Variants in KRT72 observed in about 807,000 individuals in gnomAD.
The protein encoded by KRT72 is keratin 72.
KRT72 carries 44 observed loss-of-function variants against 44.7 expected under a neutral mutation model. That is an observed-to-expected ratio of 0.98 (90% confidence interval 0.77 to 1.27). The LOEUF (loss-of-function observed/expected upper bound fraction) is 1.27, where lower values mean the gene tolerates loss of function less well. KRT72 is among the 50% of genes most tolerant of loss of function. The pLI is 0.00. For missense variants in KRT72, 736 were observed against 667.1 expected, an observed-to-expected ratio of 1.10 and a Z score of -1.14; for synonymous variants, 302 against 280.4, an observed-to-expected ratio of 1.08 and a Z score of -0.77.
chr12:52,589,352 C>T (rs1463474846), intron 6 of KRT72, among the ~76,000 whole-genome samples: 2 of 152,172 alleles, frequency 1.3e-5, no homozygotes, highest in Non-Finnish European at 2.9e-5. Flanking sequence ...AAGGAGATGC[C>T]TAGGACCCAG....
chr12:52,599,403 G>T (rs1440499843), intron 1 of KRT72: 1 of 508,234 alleles, frequency 2.0e-6, no homozygotes, highest in Non-Finnish European at 3.8e-6. Flanking sequence ...ATAAATGCTG[G>T]TGTTTTCTGA....
At chr12:52,599,443 C>T in intron 1 of KRT72, 1 of 474,828 alleles carries the variant, frequency 2.1e-6, no homozygotes, top group Admixed American at 2.3e-5. Flanking sequence ...AGGGGAGAAA[C>T]AGGGACTGGG....
intron 6 of KRT72, among the ~76,000 whole-genome samples, chr12:52,590,053 G>C (rs1442228301): frequency 6.6e-6 from 1 of 152,140 alleles, no homozygotes; most frequent in Non-Finnish European, 1.5e-5. Context: ...GTGAGAGATG[G>C]GGTGCAGGGG....
chr12:52,601,248 C>T lies in KRT72; in HGVS notation c.205G>A (p.Gly69Ser), dbSNP rs1460753761. The change falls in exon 1 of 9, where the codon GGC becomes AGC. Residue 69 changes from glycine (G) to serine (S), a missense_variant. Gly to Ser is a moderately conservative substitution (Grantham distance 56, BLOSUM62 0). Coordinates refer to ENST00000293745, the MANE Select transcript of KRT72 (RefSeq NM_080747.3). ...GTGCCCACGAAGCCGCCCAGGCGGCCGCCGCCCCGCCGTGCAGCAGCGCTG... is the reference window on the plus strand; with the variant it reads ...GTGCCCACGAAGCCGCCCAGGCGGCTGCCGCCCCGCCGTGCAGCAGCGCTG... Reference protein sequence around the residue: ...ALSAAARRGGGRLGGFVGTAF... With the variant: ...ALSAAARRGGSRLGGFVGTAF... 1.3e-6 allele frequency: 2 copies of T among 1,565,198 alleles called. No individual in the cohort carries two copies. Among genetic ancestry groups the T allele is most frequent in the African/African-American group, 1.4e-5 (1 of 73,734 alleles).
Position 52,585,864 on chromosome 12 carries a change from G to C in KRT72, c.*118C>G. 1.1e-6 allele frequency: 1 copy of C among 918,754 alleles called. No individual in the cohort carries two copies. Among genetic ancestry groups the C allele is most frequent in the Non-Finnish European group, 1.7e-6 (1 of 586,600 alleles). The allele number at this position is 918,754 out of a possible 1,614,324, so 56.9% of individuals were successfully genotyped here. On this transcript the variant is annotated 3_prime_UTR_variant, in exon 9 of 9. Transcript: ENST00000293745. ...GAGGACAACAGGGAGAGGAAATGGG[G>C]TTGGGACTGTAGTGACAGACAAAGC...
chr12:52,597,022 C>T (rs147230073), intron 2 of KRT72, among the ~76,000 whole-genome samples: 1 of 152,244 alleles, frequency 6.6e-6, no homozygotes, highest in East Asian at 1.9e-4. Context: ...CATTCATTGG[C>T]TTTTTAGATG....
At chr12:52,591,656 G>C (rs1217788625) in intron 4 of KRT72, 28 bp from the exon 5 acceptor site, 3 of 1,586,802 alleles carry the variant, frequency 1.9e-6, no homozygotes, top group Non-Finnish European at 2.6e-6. Flanking sequence ...AGGGGAGCTA[G>C]TTAAGGGGTA....
In KRT72 at chr12:52,586,872, TG is replaced by T. The variant is rs1939774380; in HGVS notation, c.1345+73del. On this transcript the variant is annotated intron_variant, in intron 8 of 8. Coordinates refer to ENST00000293745, the MANE Select transcript of KRT72 (RefSeq NM_080747.3). ...CCCTCTGTCATTCTGATTTCTCTTT[TG>T]TGTCATGAATTAAAGGGACTCGGAC... is the stretch of plus-strand genomic sequence containing the variant. 6 of 1,387,628 alleles carry T rather than the reference TG, an allele frequency of 4.3e-6. No individual in the cohort carries two copies. In the South Asian group the frequency reaches 6.9e-5, roughly 16 times the overall value. 86.0% of individuals were successfully genotyped at this position (1,387,628 alleles called of 1,614,324 possible). A position where few individuals can be genotyped will look rare whatever the true frequency, so the allele number is the denominator to read the frequency against.
At chr12:52,587,250 C>T (rs549591721) in intron 7 of KRT72, among the ~76,000 whole-genome samples, 2 of 152,112 alleles carry the variant, frequency 1.3e-5, no homozygotes, top group African/African-American at 2.4e-5. Context: ...TCTAGTCATG[C>T]CACTGTTCTT....
In KRT72 at chr12:52,585,906, A is replaced by G; in HGVS notation, c.*76T>C. The stretch of plus-strand genomic sequence containing the variant: ...AGACAAAGCATTTCTTGACTTGGAA[A>G]GGGAGCCCAGGGAAGGAGAGGGAGG... On this transcript the variant is annotated 3_prime_UTR_variant, in exon 9 of 9. Transcript: ENST00000293745. The G allele has an allele frequency of 7.6e-7, 1 of 1,323,948 alleles. No individual in the cohort carries two copies. The highest frequency in any genetic ancestry group is 1.1e-6 in the Non-Finnish European group (1 of 944,276). The allele number at this position is 1,323,948 out of a possible 1,614,324, so 82.0% of individuals were successfully genotyped here.
upstream of KRT72, among the ~76,000 whole-genome samples, chr12:52,602,233 T>C (rs1940499853): frequency 6.6e-6 from 1 of 152,172 alleles, no homozygotes. Context: ...TAGCAGATGG[T>C]GTTTCCTAAG....
At chr12:52,598,770 C>T (rs1031053934) in intron 2 of KRT72, 128 bp downstream of exon 2, 3 of 754,094 alleles carry the variant, frequency 4.0e-6, no homozygotes, top group Middle Eastern at 2.4e-4. Flanking sequence ...TTCCTAGTTC[C>T]ATTCTGTCTG....
In KRT72 at chr12:52,601,107, G is replaced by A; in HGVS notation, c.346C>T (p.Pro116Ser). The change falls in exon 1 of 9, where the codon CCC becomes TCC. Residue 116 changes from proline to serine, a missense_variant. Physicochemically the swap from Pro to Ser is moderately conservative, Grantham distance 74. Coordinates refer to ENST00000293745, the MANE Select transcript of KRT72 (RefSeq NM_080747.3). Reference protein sequence around the residue: ...LLAPLNVEMDPEIQRVRAQER... With the variant: ...LLAPLNVEMDSEIQRVRAQER... ...TGGGCGCGCACCCTCTGGATCTCGG[G>A]GTCCATCTCCACGTTGAGCGGGGCC... 1 of 1,612,406 alleles carries A rather than the reference G, an allele frequency of 6.2e-7. No homozygotes were observed. Among genetic ancestry groups the A allele is most frequent in the East Asian group, 2.2e-5 (1 of 44,754 alleles).
intron 2 of KRT72, 108 bp downstream of exon 2, chr12:52,598,786 TCCTC>T (rs1172902791): frequency 8.1e-6 from 7 of 860,952 alleles, no homozygotes; most frequent in Non-Finnish European, 3.9e-6. Flanking sequence ...GTCTGGATGT[TCCTC>T]CCTCCCCCGG....
rs1592236741 is a variant in KRT72, at chr12:52,601,246, G to A, written c.207C>T (p.Gly69=). The change falls in exon 1 of 9, where the codon GGC becomes GGT. Residue 69 remains glycine (G), a synonymous_variant. Transcript: ENST00000293745. The part of the protein sequence containing the change: ...ALSAAARRGG[G]RLGGFVGTAF... ...CGGTGCCCACGAAGCCGCCCAGGCG[G>A]CCGCCGCCCCGCCGTGCAGCAGCGC... 2 of 1,572,668 alleles carry A rather than the reference G, an allele frequency of 1.3e-6. No individual in the cohort carries two copies. The highest frequency in any genetic ancestry group is 1.7e-6 in the Non-Finnish European group (2 of 1,159,542).
Position 52,587,734 on chromosome 12 carries a change from G to T in KRT72, c.1207C>A (p.Leu403Met), listed in dbSNP as rs201218547. 9.8e-5 allele frequency: 158 copies of T among 1,614,214 alleles called. 2 individuals are homozygous for T. Among genetic ancestry groups the T allele is most frequent in the Admixed American group, 9.2e-4 (55 of 60,020 alleles). ...TGGTACTCACGCAGCATCCGTGCCAGCTCCTCCTTGGCCTGGTGCAGGGCG... is the reference window on the plus strand; with the variant it reads ...TGGTACTCACGCAGCATCCGTGCCATCTCCTCCTTGGCCTGGTGCAGGGCG... ...EGALHQAKEE[L>M]ARMLREYQEL... Residue 403 changes from leucine to methionine, a missense_variant, in exon 7 of 9, where the codon CTG becomes ATG. Leu to Met is a conservative substitution (Grantham distance 15). Transcript: ENST00000293745.
At chr12:52,590,387 C>T (rs544558486) in intron 6 of KRT72, among the ~76,000 whole-genome samples, 2 of 152,288 alleles carry the variant, frequency 1.3e-5, no homozygotes, top group African/African-American at 2.4e-5. Context: ...CTTCAAATGG[C>T]TCCCTTTTAC....
chr12:52,589,120 G>T (rs1297453297), intron 6 of KRT72, among the ~76,000 whole-genome samples: 1 of 152,200 alleles, frequency 6.6e-6, no homozygotes, highest in East Asian at 1.9e-4. Context: ...GAGCCCTTCA[G>T]TCTGGTATAT....
chr12:52,591,975 G>T (rs983966602), intron 4 of KRT72, among the ~76,000 whole-genome samples: 2 of 152,082 alleles, frequency 1.3e-5, no homozygotes, highest in African/African-American at 4.8e-5. Context: ...CCTTCCCCAG[G>T]CCTCTGCGCC....
Sources: allele counts gnomAD v4.1 joint callset (sites outside exome capture counted in the v4.1 genomes callset), GRCh38; gene constraint gnomAD v4.1.1; transcripts MANE v1.5; gene names NCBI Gene and HGNC (gene_info 2026-07-23, HGNC 2026-07-21).